The following TNS3 variants were observed in gnomAD, a reference collection of about 807,000 sequenced individuals.
The protein encoded by TNS3 is tensin 3.
TNS3 carries 45 observed loss-of-function variants against 140.9 expected under a neutral mutation model. That is an observed-to-expected ratio of 0.32 (90% CI 0.25 to 0.41). The LOEUF (loss-of-function observed/expected upper bound fraction) is 0.41, where lower values mean the gene tolerates loss of function less well. Among genes scored for constraint, TNS3 ranks in the 10% least tolerant of loss-of-function variants. The pLI, the probability that TNS3 is intolerant of heterozygous loss-of-function variation, is 1.00. For synonymous variants in TNS3, 815 were observed against 788.4 expected (o/e 1.03, Z -0.56); for missense variants, 1,716 against 1,906.7 (o/e 0.90, Z 1.86).
At chr7:47,370,887 G>A (rs1791030644) in intron 16 of TNS3, among the ~76,000 whole-genome samples, 2 of 152,202 alleles carry the variant, frequency 1.3e-5, no homozygotes, top group Admixed American at 1.3e-4. Flanking sequence ...TCACAGCCCC[G>A]GGCTCCAGGT....
At chr7:47,470,404 T>C in intron 4 of TNS3, 3 of 955,758 alleles carry the variant, frequency 3.1e-6, no homozygotes, top group Non-Finnish European at 3.7e-6. Flanking sequence ...GTGACCACTC[T>C]AGAATCTGTG....
In TNS3 at chr7:47,556,768, G is replaced by A. The variant is rs142350096; in HGVS notation, c.-265+25283C>T. On this transcript the variant is annotated intron_variant, in intron 1 of 30. Coordinates refer to ENST00000311160, the MANE Select transcript of TNS3 (RefSeq NM_022748.12). ...GCAAAGTGCGGGCCCCAGGCCAGAC[G>A]CTGCCCGCTCTCACTGGCTGGGCTG... is the stretch of plus-strand genomic sequence containing the variant. Among the ~76,000 whole-genome samples, 141 of 152,360 alleles carry A rather than the reference G, an allele frequency of 9.3e-4. No homozygotes were observed. In the East Asian group the frequency reaches 0.021, roughly 23 times the overall value.
At chr7:47,359,033 C>G (rs899880280) in intron 17 of TNS3, among the ~76,000 whole-genome samples, 1 of 152,138 alleles carries the variant, frequency 6.6e-6, no homozygotes, top group Non-Finnish European at 1.5e-5. Context: ...CTAGCAACCC[C>G]TCTCCTGGGT....
chr7:47,341,419 G>A (rs1268222697), intron 20 of TNS3, among the ~76,000 whole-genome samples: 1 of 152,040 alleles, frequency 6.6e-6, no homozygotes, highest in Non-Finnish European at 1.5e-5. Flanking sequence ...ATAGTTACAG[G>A]GTATTCAAGT....
At chr7:47,438,311 G>A (rs891789531) in intron 6 of TNS3, among the ~76,000 whole-genome samples, 3 of 152,068 alleles carry the variant, frequency 2.0e-5, no homozygotes, top group Non-Finnish European at 2.9e-5. Context: ...ACAGACAGGT[G>A]CTGGCCAGGG....
rs559370836 is a variant in TNS3, at chr7:47,278,363, C to T, written c.4194-143G>A. 3.7e-5 allele frequency: 34 copies of T among 907,182 alleles called. No homozygotes were observed. The African/African-American group carries it at 5.5e-4, about 15-fold the overall frequency. 56.2% of individuals were successfully genotyped at this position (907,182 alleles called of 1,614,324 possible). A position where few individuals can be genotyped will look rare whatever the true frequency, so the allele number is the denominator to read the frequency against. ...AACCACGTGCCCAGCACCCTGCTGG[C>T]CACCTGTTCATGCACTTTACCTCCA... On this transcript the variant is annotated intron_variant, in intron 30 of 30. Coordinates refer to ENST00000311160, the MANE Select transcript of TNS3 (RefSeq NM_022748.12).
At chr7:47,492,667 G>A (rs558420649) in intron 3 of TNS3, among the ~76,000 whole-genome samples, 13 of 152,364 alleles carry the variant, frequency 8.5e-5, no homozygotes, top group African/African-American at 2.9e-4. Flanking sequence ...CTGCTCCTGT[G>A]ATTTTGTAAT....
chr7:47,451,096 T>C (rs1490755853), intron 4 of TNS3, among the ~76,000 whole-genome samples: 2 of 152,088 alleles, frequency 1.3e-5, no homozygotes, highest in Admixed American at 1.3e-4. Flanking sequence ...ATCATGTCAT[T>C]GCACTCCAGC....
rs563114794 is a variant in TNS3 at position 47,276,950 on chromosome 7, G to A, written c.*1126C>T. Reference sequence around the variant, plus strand: ...TGCAGCTTCAGGCCTGAAGATGATCGAAAAGCCCATGTGGGGGATGCTGAG... The same window carrying A: ...TGCAGCTTCAGGCCTGAAGATGATCAAAAAGCCCATGTGGGGGATGCTGAG... On this transcript the variant is annotated 3_prime_UTR_variant, in exon 31 of 31. Coordinates refer to ENST00000311160, the MANE Select transcript of TNS3 (RefSeq NM_022748.12). 1 of 152,314 alleles carries A rather than the reference G, an allele frequency of 6.6e-6. No homozygotes were observed. The highest frequency in any genetic ancestry group is 1.9e-4 in the East Asian group (1 of 5,176). 9.4% of individuals were successfully genotyped at this position (152,314 alleles called of 1,614,324 possible). A position where few individuals can be genotyped will look rare whatever the true frequency, so the allele number is the denominator to read the frequency against.
At chr7:47,518,620 T>C (rs1030796883) in intron 2 of TNS3, among the ~76,000 whole-genome samples, 1 of 152,200 alleles carries the variant, frequency 6.6e-6, no homozygotes, top group Non-Finnish European at 1.5e-5. Context: ...TTTGAGGTTA[T>C]GAGTTGGAAA....
chr7:47,469,076 A>T (rs1295545078), intron 4 of TNS3, among the ~76,000 whole-genome samples: 1 of 152,248 alleles, frequency 6.6e-6, no homozygotes, highest in African/African-American at 2.4e-5. Context: ...TTCACCGTAT[A>T]TAAAAACTAA....
At position 47,299,414 on chromosome 7, in the gene TNS3, T is replaced by A. The variant is rs569046060; in HGVS notation, c.3545-2201A>T. ...CTCAGCTTCCCTAAGTTGCTGGGAT[T>A]ATAGGAGTGAGTCACTGCGCCGGGC... On this transcript the variant is annotated intron_variant, in intron 23 of 30. Transcript: ENST00000311160. Among the ~76,000 whole-genome samples the A allele has an allele frequency of 3.9e-5, 6 of 152,300 alleles. No homozygotes were observed. In the East Asian group the frequency reaches 9.6e-4, roughly 24 times the overall value.
At position 47,358,146 on chromosome 7, in the gene TNS3, C is replaced by CT. The variant is rs201814404; in HGVS notation, c.2281+10218dup. Among the ~76,000 whole-genome samples the CT allele has an allele frequency of 5.3e-3, 780 of 147,898 alleles. 10 individuals are homozygous for CT. The highest frequency in any genetic ancestry group is 0.018 in the African/African-American group (720 of 40,518). On this transcript the variant is annotated intron_variant, in intron 17 of 30. Coordinates refer to ENST00000311160, the MANE Select transcript of TNS3 (RefSeq NM_022748.12). ...CTGGCCTCTTCCACTAACACTTCAT[C>CT]TTTTTTTTTTTGACGGAGTCTCACT...
chr7:47,314,733 A>G (rs895503504), intron 20 of TNS3, among the ~76,000 whole-genome samples: 57 of 152,198 alleles, frequency 3.7e-4, no homozygotes, highest in African/African-American at 1.4e-3. Context: ...CTCTGTACCT[A>G]GAAGAGCCCA....
At chr7:47,307,749 T>G (rs762350651) in intron 20 of TNS3, among the ~76,000 whole-genome samples, 3 of 152,232 alleles carry the variant, frequency 2.0e-5, no homozygotes, top group Non-Finnish European at 4.4e-5. Context: ...TTATGTGTTC[T>G]CTGGTAAAAT....
intron 10 of TNS3, among the ~76,000 whole-genome samples, chr7:47,423,041 C>T (rs1057093904): frequency 6.6e-6 from 1 of 152,154 alleles, no homozygotes; most frequent in Non-Finnish European, 1.5e-5. Flanking sequence ...CAGAGCCATG[C>T]CATTGGAAAT....
chr7:47,475,049 A>AACTCACAC, intron 4 of TNS3, among the ~76,000 whole-genome samples: 1 of 150,756 alleles, frequency 6.6e-6, no homozygotes, highest in East Asian at 2.0e-4. Flanking sequence ...GACAACAGAC[A>AACTCACAC]ACTCACACAC....
At chr7:47,413,489 T>C (rs1343730869) in intron 12 of TNS3, among the ~76,000 whole-genome samples, 2 of 151,704 alleles carry the variant, frequency 1.3e-5, no homozygotes, top group Non-Finnish European at 2.9e-5. Flanking sequence ...TCTGTAATCC[T>C]GGCACTTTGG....
At chr7:47,344,006 C>T (rs769029825) in intron 20 of TNS3, among the ~76,000 whole-genome samples, 2 of 152,110 alleles carry the variant, frequency 1.3e-5, no homozygotes, top group South Asian at 2.1e-4. Context: ...TCTCAGGTAA[C>T]GTGCCTAATA....
Sources: gnomAD v4.1 joint callset for allele counts (sites outside exome capture counted in the v4.1 genomes callset) on GRCh38, gnomAD v4.1.1 for gene constraint, MANE v1.5 for transcripts, NCBI Gene and HGNC (gene_info 2026-07-23, HGNC 2026-07-21) for gene names.